Variants in KRT7 observed in about 807,000 individuals in gnomAD.
KRT7 encodes keratin 7.
KRT7 carries 50 observed loss-of-function variants against 42.8 expected under a neutral mutation model. The ratio of observed to expected loss-of-function variants is 1.17; its 90% CI spans 0.93 to 1.48. The LOEUF is 1.48. Among genes scored for constraint, KRT7 ranks in the 40% most tolerant of loss-of-function variants. KRT7 has a pLI of 0.00. For synonymous variants in KRT7, 268 were observed against 266.3 expected (o/e 1.01, Z -0.06); for missense variants, 588 against 637.6 (o/e 0.92, Z 0.84).
At position 52,241,398 on chromosome 12, in the gene KRT7, G is replaced by A. The variant is rs1592392209; in HGVS notation, c.694-74G>A. 3 of 1,307,278 alleles carry A rather than the reference G, an allele frequency of 2.3e-6. No individual in the cohort carries two copies. The East Asian group carries it at 7.6e-5, about 33-fold the overall frequency. 81.0% of individuals were successfully genotyped at this position (1,307,278 alleles called of 1,614,324 possible). A position where few individuals can be genotyped will look rare whatever the true frequency, so the allele number is the denominator to read the frequency against. ...CTGTTCTCTCTTTTCTTTCCTTTGT[G>A]AGTGGGGAATCCCAGGGTGGGCGTG... On this transcript the variant is annotated intron_variant, in intron 4 of 8. Transcript: ENST00000331817.
In KRT7 at chr12:52,247,748, A is replaced by G. The variant is rs184323714; in HGVS notation, c.1206-429A>G. The G allele has an allele frequency of 8.0e-4, 155 of 194,448 alleles. 2 individuals carry two copies. The highest frequency in any genetic ancestry group is 4.5e-4 in the Non-Finnish European group (42 of 93,488). The allele number at this position is 194,448 out of a possible 1,614,324, so 12.0% of individuals were successfully genotyped here. A position where few individuals can be genotyped will look rare whatever the true frequency, so the allele number is the denominator to read the frequency against. ...TCTCCAGGCCTCATACTGGGGATAA[A>G]AGTATCAATAGGCCACAGACACCTT... On this transcript the variant is annotated intron_variant, in intron 7 of 8. Transcript: ENST00000331817.
At chr12:52,251,439 G>T (rs1386085996), downstream of KRT7, among the ~76,000 whole-genome samples, 3 of 152,306 alleles carry the variant, frequency 2.0e-5, no homozygotes, top group Admixed American at 1.3e-4. Context: ...TTACAAATTT[G>T]TGCTGGGCCA....
At chr12:52,245,896 A>G (rs563537430) in intron 7 of KRT7, 2 of 503,438 alleles carry the variant, frequency 4.0e-6, no homozygotes, top group African/African-American at 3.9e-5. Context: ...TAGGGTTATC[A>G]TATTTGATCC....
At chr12:52,254,332 G>C (rs765467011), downstream of KRT7, 26 of 927,174 alleles carry the variant, frequency 2.8e-5, no homozygotes, top group Non-Finnish European at 4.1e-5. Flanking sequence ...TGGCCTCTAG[G>C]TCTGATTTGC....
At chr12:52,250,368 G>A (rs2121122161), downstream of KRT7, 1 of 364,286 alleles carries the variant, frequency 2.7e-6, no homozygotes, top group Middle Eastern at 8.4e-4. Context: ...GGGCCCCGAA[G>A]CCCTCCTTCC....
chr12:52,251,951 C>A (rs985924696), downstream of KRT7: 2 of 559,280 alleles, frequency 3.6e-6, no homozygotes, highest in Non-Finnish European at 6.8e-6. Flanking sequence ...TTTTTACTAT[C>A]TGAAGCTCTA....
chr12:52,249,229 C>G (rs950933178), downstream of KRT7: 1 of 152,742 alleles, frequency 6.5e-6, no homozygotes, highest in Non-Finnish European at 1.5e-5. Flanking sequence ...CCTCCCTCCC[C>G]CCATGCCCAG....
intron 7 of KRT7, chr12:52,246,000 GGGCCA>G (rs756890821): frequency 1.8e-4 from 43 of 242,202 alleles, no homozygotes; most frequent in Non-Finnish European, 2.8e-4. Context: ...TGAGGGAATA[GGGCCA>G]GAGTGCAGTC....
At chr12:52,252,590 G>A (rs151267703), downstream of KRT7, 5 of 1,397,568 alleles carry the variant, frequency 3.6e-6, no homozygotes, top group Non-Finnish European at 4.8e-6. Context: ...TTGTCTATTT[G>A]TTAGGCCAGG....
In KRT7 at chr12:52,233,658, C is replaced by G. The variant is rs1223858232; in HGVS notation, c.324+38C>G. Reference sequence around the variant, plus strand: ...GGACCTCGCCTCTCCTCGAGCCGCGCTCCAGACCACACCAGCCGCCCTAAC... The same window carrying G: ...GGACCTCGCCTCTCCTCGAGCCGCGGTCCAGACCACACCAGCCGCCCTAAC... On this transcript the variant is annotated intron_variant, in intron 1 of 8. Coordinates refer to ENST00000331817, the MANE Select transcript of KRT7 (RefSeq NM_005556.4). 4 of 1,598,682 alleles carry G rather than the reference C, an allele frequency of 2.5e-6. No homozygotes were observed. The East Asian group carries it at 8.9e-5, about 36-fold the overall frequency.
At chr12:52,252,079 A>T, downstream of KRT7, 2 of 822,032 alleles carry the variant, frequency 2.4e-6, no homozygotes, top group Non-Finnish European at 4.0e-6. Flanking sequence ...AAGCAAAGAG[A>T]CAGAAATTAG....
chr12:52,253,874 A>C (rs1039433423), downstream of KRT7: 2 of 428,506 alleles, frequency 4.7e-6, no homozygotes, highest in Non-Finnish European at 4.7e-6. Flanking sequence ...CGATGTCTGA[A>C]GCCCCACCCT....
intron 3 of KRT7, 108 bp downstream of exon 3, chr12:52,237,677 C>T: frequency 1.2e-6 from 1 of 816,522 alleles, no homozygotes. Context: ...CAAGGCCTGC[C>T]TGAGCTGTCC....
chr12:52,253,534 T>C (rs1942298206), downstream of KRT7: 3 of 1,597,952 alleles, frequency 1.9e-6, no homozygotes, highest in South Asian at 1.1e-5. Context: ...AAAGGAAGCC[T>C]ATTTAATAGG....
At chr12:52,246,767 C>G (rs1238680450) in intron 7 of KRT7, among the ~76,000 whole-genome samples, 1 of 152,192 alleles carries the variant, frequency 6.6e-6, no homozygotes, top group Non-Finnish European at 1.5e-5. Context: ...ATGCCTCTCT[C>G]TGCTTTCGCC....
In KRT7 at chr12:52,236,531, G is replaced by T. The variant is rs1032424175; in HGVS notation, c.537-978G>T. ...CCGATCTGTGCACCCTCTTGACCTGGCTGTGCACTGCCAAGGCAGGGGTGG... is the reference window on the plus strand; with the variant it reads ...CCGATCTGTGCACCCTCTTGACCTGTCTGTGCACTGCCAAGGCAGGGGTGG... On this transcript the variant is annotated intron_variant, in intron 2 of 8. Transcript: ENST00000331817. Among the ~76,000 whole-genome samples, 3 of 152,170 alleles carry T rather than the reference G, an allele frequency of 2.0e-5. 1 individual carries two copies. The highest frequency in any genetic ancestry group is 2.0e-4 in the Admixed American group (3 of 15,280).
At position 52,235,314 on chromosome 12, in the gene KRT7, C is replaced by T. The variant is rs1941997666; in HGVS notation, c.484C>T (p.Leu162=). The change falls in exon 2 of 9, where the codon CTG becomes TTG. Residue 162 remains leucine, a synonymous_variant. Transcript: ENST00000331817. ...GGCACTGCAGGTGGATGGGGGCCGC[C>T]TGGAGGCGGAGCTGCGGAGCATGCA... ...LEALQVDGGR[L]EAELRSMQDV... is the part of the protein sequence containing the mutation. 5 of 1,613,832 alleles carry T rather than the reference C, an allele frequency of 3.1e-6. No individual in the cohort carries two copies. Among genetic ancestry groups the T allele is most frequent in the African/African-American group, 1.3e-5 (1 of 74,936 alleles).
Position 52,238,696 on chromosome 12 carries a change from A to G in KRT7, c.614A>G (p.Tyr205Cys). Residue 205 changes from tyrosine (Y) to cysteine (C), a missense_variant, in exon 4 of 9, where the codon TAC becomes TGC. Transcript: ENST00000331817. ...VVLKKDVDAA[Y>C]MSKVELEAKV... ...AACCCCCAGGATGTGGATGCTGCCT[A>G]CATGAGCAAGGTGGAGCTGGAGGCC... The G allele has an allele frequency of 6.2e-7, 1 of 1,613,506 alleles. No homozygotes were observed. The highest frequency in any genetic ancestry group is 8.5e-7 in the Non-Finnish European group (1 of 1,179,436).
intron 6 of KRT7, among the ~76,000 whole-genome samples, chr12:52,244,836 C>T (rs192358769): frequency 2.3e-4 from 35 of 152,172 alleles, no homozygotes; most frequent in African/African-American, 7.7e-4. Context: ...CATCTCATGG[C>T]ATCTGGGGGC....
Sources: allele counts gnomAD v4.1 joint callset (sites outside exome capture counted in the v4.1 genomes callset), GRCh38; gene constraint gnomAD v4.1.1; transcripts MANE v1.5; gene names NCBI Gene and HGNC (gene_info 2026-07-23, HGNC 2026-07-21).